The following CNIH3 variants were observed in gnomAD, a reference collection of about 807,000 sequenced individuals.
The protein encoded by CNIH3 is protein cornichon homolog 3.
In CNIH3, 14 loss-of-function variants were observed where a neutral mutation model predicts 24.1. The observed-to-expected ratio is 0.58, with a 90% CI of 0.38 to 0.91. The LOEUF (loss-of-function observed/expected upper bound fraction) is 0.91. Among genes scored for constraint, CNIH3 ranks in the 40% least tolerant of loss-of-function variants. The probability of loss-of-function intolerance (pLI) is 0.00; values close to 1 mark genes in which losing one functional copy is unlikely to be tolerated. For synonymous variants in CNIH3, 68 were observed against 73.8 expected, an observed-to-expected ratio of 0.92 and a Z score of 0.40; for missense variants, 178 against 196.8, an observed-to-expected ratio of 0.90 and a Z score of 0.57.
intron 2 of CNIH3, among the ~76,000 whole-genome samples, chr1:224,535,853 G>A (rs1253098234): frequency 6.6e-6 from 1 of 152,268 alleles, no homozygotes; most frequent in African/African-American, 2.4e-5. Context: ...TGTGGCCGCA[G>A]GAGATGGCTG....
intron 1 of CNIH3, among the ~76,000 whole-genome samples, chr1:224,644,911 G>T (rs1357308936): frequency 6.6e-6 from 1 of 152,214 alleles, no homozygotes; most frequent in Non-Finnish European, 1.5e-5. Flanking sequence ...AAGGACAGTG[G>T]CTTCTGTACT....
chr1:224,723,224 G>A (rs1688830082), intron 3 of CNIH3, among the ~76,000 whole-genome samples: 1 of 152,192 alleles, frequency 6.6e-6, no homozygotes, highest in Admixed American at 6.5e-5. Context: ...ATGTGTGGCT[G>A]GTTGCTGATG....
chr1:224,469,280 C>T (rs973030061), intron 1 of CNIH3, among the ~76,000 whole-genome samples: 7 of 151,932 alleles, frequency 4.6e-5, no homozygotes, highest in African/African-American at 1.7e-4. Context: ...CAGGATTTTG[C>T]TATATTTCCC....
At chr1:224,549,044 C>T (rs919438484) in intron 3 of CNIH3, among the ~76,000 whole-genome samples, 61 of 152,054 alleles carry the variant, frequency 4.0e-4, no homozygotes, top group African/African-American at 1.5e-3. Flanking sequence ...GGTGATACTA[C>T]TCGTAATATC....
At chr1:224,562,874 G>A (rs1022760098) in intron 3 of CNIH3, among the ~76,000 whole-genome samples, 11 of 152,176 alleles carry the variant, frequency 7.2e-5, no homozygotes, top group African/African-American at 2.2e-4. Context: ...CTGATACCAG[G>A]GGTTGGAGAG....
chr1:224,552,057 A>T (rs1679945108), intron 3 of CNIH3, among the ~76,000 whole-genome samples: 1 of 151,668 alleles, frequency 6.6e-6, no homozygotes, highest in South Asian at 2.1e-4. Flanking sequence ...CTTAGATATT[A>T]TGAATAATAT....
chr1:224,580,415 C>T (rs753753479), intron 4 of CNIH3, among the ~76,000 whole-genome samples: 8 of 152,246 alleles, frequency 5.3e-5, no homozygotes, highest in Middle Eastern at 3.4e-3. Context: ...CATAAGCCAC[C>T]GTAGGATCTG....
exon 1 of CNIH3, chr1:224,434,770 T>A: frequency 3.0e-6 from 3 of 986,322 alleles, no homozygotes; most frequent in Non-Finnish European, 3.6e-6. Flanking sequence ...CCCTGGTGTG[T>A]TGATTCTTCC....
intron 3 of CNIH3, among the ~76,000 whole-genome samples, chr1:224,548,027 A>G (rs986775415): frequency 6.6e-6 from 1 of 151,470 alleles, no homozygotes; most frequent in Admixed American, 6.6e-5. Flanking sequence ...AGTGTACACC[A>G]CATGATATTA....
intron 1 of CNIH3, among the ~76,000 whole-genome samples, chr1:224,470,514 C>T (rs1026597083): frequency 6.6e-6 from 1 of 151,916 alleles, no homozygotes; most frequent in African/African-American, 2.4e-5. Flanking sequence ...AGACAAGGGT[C>T]TCCTTGTCTG....
chr1:224,692,411 C>T (rs768517029), intron 3 of CNIH3, among the ~76,000 whole-genome samples: 9 of 152,108 alleles, frequency 5.9e-5, no homozygotes, highest in Non-Finnish European at 8.8e-5. Flanking sequence ...GCTGTTAATA[C>T]GGTTCTTCCT....
At chr1:224,528,826 C>T (rs924752641) in intron 2 of CNIH3, among the ~76,000 whole-genome samples, 2 of 152,130 alleles carry the variant, frequency 1.3e-5, no homozygotes, top group Admixed American at 6.5e-5. Context: ...TGACAATGTC[C>T]CATGTGGAGC....
At chr1:224,590,837 A>G (rs1414641099), downstream of CNIH3, among the ~76,000 whole-genome samples, 2 of 143,046 alleles carry the variant, frequency 1.4e-5, no homozygotes, top group African/African-American at 5.3e-5. Context: ...CAAGAGATAG[A>G]TCCTGGTTAT....
At chr1:224,594,350 T>C (rs1268933176) in intron 3 of CNIH3, among the ~76,000 whole-genome samples, 4 of 152,132 alleles carry the variant, frequency 2.6e-5, no homozygotes, top group Non-Finnish European at 4.4e-5. Flanking sequence ...GGATTTGGAG[T>C]AGATCTTATC....
intron 1 of CNIH3, among the ~76,000 whole-genome samples, chr1:224,455,013 G>T (rs1354602862): frequency 1.3e-5 from 2 of 152,094 alleles, no homozygotes; most frequent in Non-Finnish European, 1.5e-5. Flanking sequence ...AGAAAATATT[G>T]TAAGTCGAAA....
intron 3 of CNIH3, among the ~76,000 whole-genome samples, chr1:224,608,211 G>A (rs1348771218): frequency 2.0e-5 from 3 of 152,232 alleles, no homozygotes; most frequent in African/African-American, 4.8e-5. Context: ...AACGACTTGA[G>A]CCAGTCAAGG....
chr1:224,590,834 T>A (rs1208748561), downstream of CNIH3, among the ~76,000 whole-genome samples: 1 of 120,268 alleles, frequency 8.3e-6, no homozygotes, highest in Non-Finnish European at 1.6e-5. Context: ...ACCCAAGAGA[T>A]AGATCCTGGT....
At chr1:224,720,504 G>A (rs1572805824) in intron 3 of CNIH3, among the ~76,000 whole-genome samples, 2 of 152,132 alleles carry the variant, frequency 1.3e-5, no homozygotes, top group Admixed American at 1.3e-4. Flanking sequence ...GTTAAGCAGA[G>A]TTGGGCTTCC....
intron 1 of CNIH3, among the ~76,000 whole-genome samples, chr1:224,671,486 G>A (rs998357671): frequency 2.0e-5 from 3 of 152,232 alleles, no homozygotes; most frequent in Non-Finnish European, 4.4e-5. Flanking sequence ...AGAAGAGGGT[G>A]AGACTGCATG....
Sources: gnomAD v4.1 joint callset for allele counts (sites outside exome capture counted in the v4.1 genomes callset) on GRCh38, gnomAD v4.1.1 for gene constraint, MANE v1.5 for transcripts, NCBI Gene and HGNC (gene_info 2026-07-23, HGNC 2026-07-21) for gene names.